Variants in ROR1 observed in about 807,000 individuals in gnomAD.
ROR1 encodes ROR family WNT receptor 1.
In ROR1, 19 loss-of-function variants were observed where a neutral mutation model predicts 78.8. That is an observed-to-expected ratio of 0.24 (90% CI 0.17 to 0.35). ROR1 has a LOEUF of 0.35. Ranked by LOEUF, ROR1 falls within the 10% of genes least tolerant of loss-of-function variation. The pLI is 1.00. For missense variants in ROR1, 917 were observed against 1,177.8 expected (o/e 0.78, Z 3.24); for synonymous variants, 386 against 433.6 (o/e 0.89, Z 1.36).
intron 1 of ROR1, among the ~76,000 whole-genome samples, chr1:64,006,986 A>C (rs1646432908): frequency 1.3e-5 from 2 of 152,124 alleles, no homozygotes; most frequent in Admixed American, 1.3e-4. Flanking sequence ...GGAAATACGA[A>C]AAATGTGCTT....
chr1:64,112,086 C>T (rs1648120958), intron 4 of ROR1: 1 of 152,076 alleles, frequency 6.6e-6, no homozygotes, highest in South Asian at 2.1e-4. Context: ...ATGGGAGCCT[C>T]GCGGGGGGTT....
intron 1 of ROR1, among the ~76,000 whole-genome samples, chr1:63,876,124 TG>T (rs1427012961): frequency 1.3e-5 from 2 of 152,174 alleles, no homozygotes; most frequent in African/African-American, 4.8e-5. Flanking sequence ...ATTCTGTCTT[TG>T]GTATGCTTAG....
At chr1:64,141,904 G>T (rs1283224278) in intron 6 of ROR1, among the ~76,000 whole-genome samples, 1 of 151,972 alleles carries the variant, frequency 6.6e-6, no homozygotes, top group Non-Finnish European at 1.5e-5. Context: ...TCTCAAGGGT[G>T]CCGACCCCAT....
chr1:63,957,255 A>G (rs1350026479), intron 1 of ROR1, among the ~76,000 whole-genome samples: 1 of 152,168 alleles, frequency 6.6e-6, no homozygotes, highest in African/African-American at 2.4e-5. Context: ...CAGTGTTACT[A>G]TGTCGTTGTA....
intron 2 of ROR1, among the ~76,000 whole-genome samples, 192 bp downstream of exon 2, chr1:64,009,568 CT>C (rs1403409934): frequency 6.6e-6 from 1 of 151,364 alleles, no homozygotes; most frequent in Admixed American, 6.6e-5. Flanking sequence ...TGGAGAGTTT[CT>C]TTCCCCCCCT....
intron 7 of ROR1, among the ~76,000 whole-genome samples, chr1:64,148,317 C>A (rs1230732881): frequency 6.6e-6 from 1 of 152,090 alleles, no homozygotes; most frequent in Non-Finnish European, 1.5e-5. Context: ...GTGGTTTATG[C>A]ATGTATGTTG....
At chr1:64,021,809 T>A (rs1224996332) in intron 2 of ROR1, among the ~76,000 whole-genome samples, 1 of 152,212 alleles carries the variant, frequency 6.6e-6, no homozygotes, top group Non-Finnish European at 1.5e-5. Flanking sequence ...TTTTCTTTGA[T>A]TTTCATACTT....
At chr1:63,913,173 A>G (rs576999861) in intron 1 of ROR1, among the ~76,000 whole-genome samples, 2 of 152,288 alleles carry the variant, frequency 1.3e-5, no homozygotes, top group East Asian at 3.9e-4. Flanking sequence ...AAACAAAACT[A>G]TCTCTAACCA....
At chr1:64,034,037 C>T (rs1296952447) in intron 2 of ROR1, among the ~76,000 whole-genome samples, 2 of 152,170 alleles carry the variant, frequency 1.3e-5, no homozygotes, top group Non-Finnish European at 2.9e-5. Flanking sequence ...GCAGCTGGAG[C>T]AGTGTCCAAG....
chr1:64,137,223 A>T (rs1389335057), intron 4 of ROR1, 146 bp from the exon 5 acceptor site: 3 of 725,162 alleles, frequency 4.1e-6, no homozygotes, highest in Non-Finnish European at 6.4e-6. Context: ...AGAACTGAGC[A>T]AAAGCCCAAT....
At chr1:63,949,367 A>G (rs1645915581) in intron 1 of ROR1, among the ~76,000 whole-genome samples, 2 of 152,014 alleles carry the variant, frequency 1.3e-5, no homozygotes, top group Admixed American at 1.3e-4. Flanking sequence ...GAGTGGAGGT[A>G]ATGGGGTAAG....
intron 1 of ROR1, among the ~76,000 whole-genome samples, chr1:63,916,946 T>C (rs911482579): frequency 6.6e-6 from 1 of 152,236 alleles, no homozygotes; most frequent in African/African-American, 2.4e-5. Flanking sequence ...GTTCCTAGAC[T>C]GTTACTGTGC....
intron 1 of ROR1, among the ~76,000 whole-genome samples, chr1:63,941,507 C>T (rs1289536514): frequency 5.9e-5 from 9 of 152,126 alleles, no homozygotes; most frequent in Non-Finnish European, 8.8e-5. Context: ...AAATGGAGCC[C>T]GGCTGTCTGC....
chr1:63,938,413 A>G (rs1176825862), intron 1 of ROR1, among the ~76,000 whole-genome samples: 1 of 152,054 alleles, frequency 6.6e-6, no homozygotes, highest in East Asian at 1.9e-4. Context: ...GGATGACTGT[A>G]TCTGGCTTGG....
chr1:63,791,029 G>A (rs1008458782), intron 1 of ROR1, among the ~76,000 whole-genome samples: 59 of 152,158 alleles, frequency 3.9e-4, no homozygotes, highest in Admixed American at 3.9e-4. Context: ...TTTTGCTGGG[G>A]TTTCTTGGGG....
intron 1 of ROR1, among the ~76,000 whole-genome samples, chr1:63,909,559 C>T (rs1645553614): frequency 6.6e-6 from 1 of 152,112 alleles, no homozygotes; most frequent in South Asian, 2.1e-4. Flanking sequence ...GACCTTCGTG[C>T]TGTAGTTAAA....
At chr1:63,954,329 A>G (rs1465209619) in intron 1 of ROR1, among the ~76,000 whole-genome samples, 2 of 152,170 alleles carry the variant, frequency 1.3e-5, no homozygotes, top group Non-Finnish European at 2.9e-5. Context: ...TGCAAACCCA[A>G]CTTCTCACAT....
At chr1:64,160,840 G>A (rs949641769) in intron 8 of ROR1, among the ~76,000 whole-genome samples, 1 of 152,162 alleles carries the variant, frequency 6.6e-6, no homozygotes, top group African/African-American at 2.4e-5. Flanking sequence ...TCTGGGCGGG[G>A]GAGAGACCTA....
chr1:63,857,959 G>T (rs770931629), intron 1 of ROR1, among the ~76,000 whole-genome samples: 1 of 152,168 alleles, frequency 6.6e-6, no homozygotes, highest in Non-Finnish European at 1.5e-5. Flanking sequence ...GATGTAATTT[G>T]TCAGGTTGCT....
Sources: allele counts gnomAD v4.1 joint callset (sites outside exome capture counted in the v4.1 genomes callset), GRCh38; gene constraint gnomAD v4.1.1; transcripts MANE v1.5; gene names NCBI Gene and HGNC (gene_info 2026-07-23, HGNC 2026-07-21).